The following GATA1 variants were observed in gnomAD, a reference collection of about 807,000 sequenced individuals.
GATA1 encodes the protein erythroid transcription factor.
In GATA1, 2 loss-of-function variants were observed where a neutral mutation model predicts 18.9. That is an observed-to-expected ratio of 0.11 (90% CI 0.04 to 0.33). The LOEUF (loss-of-function observed/expected upper bound fraction) is 0.33. Among genes scored for constraint, GATA1 ranks in the 10% least tolerant of loss-of-function variants. The pLI is 1.00. For missense variants in GATA1, 272 were observed against 344.7 expected (o/e 0.79, Z 1.67); for synonymous variants, 152 against 149.1 (o/e 1.02, Z -0.14).
intron 1 of GATA1, among the ~76,000 whole-genome samples, chrX:48,789,470 A>T (rs1383417217): frequency 9.0e-6 from 1 of 111,318 alleles, no homozygotes; most frequent in Non-Finnish European, 1.9e-5. Flanking sequence ...GATGACAGAC[A>T]CACACAAGGC....
At position 48,794,264 on chromosome X, in the gene GATA1, C is replaced by G. The variant is rs1557020699; in HGVS notation, c.*100C>G. ...TCTCTGGGCCCCAGGCACCCCCTGG[C>G]TTGAACCTTCAAAGCTTTTGTAAAA... On this transcript the variant is annotated 3_prime_UTR_variant, in exon 6 of 6. Coordinates refer to ENST00000376670, the MANE Select transcript of GATA1 (RefSeq NM_002049.4). 6 of 997,353 alleles carry G rather than the reference C, an allele frequency of 6.0e-6. No homozygotes were observed. Among genetic ancestry groups the G allele is most frequent in the Non-Finnish European group, 8.2e-6 (6 of 728,435 alleles). The allele number at this position is 997,353 out of a possible 1,213,427, so 82.2% of individuals were successfully genotyped here. A position where few individuals can be genotyped will look rare whatever the true frequency, so the allele number is the denominator to read the frequency against.
At chrX:48,793,355 C>G in intron 5 of GATA1, 58 bp downstream of exon 5, 1 of 1,131,266 alleles carries the variant, frequency 8.8e-7, no homozygotes. Context: ...TGCCACACTG[C>G]CCCCCACTCT....
intron 1 of GATA1, among the ~76,000 whole-genome samples, chrX:48,790,616 G>A (rs1953382546): frequency 9.4e-6 from 1 of 106,395 alleles, no homozygotes; most frequent in Admixed American, 1.0e-4. Flanking sequence ...AAGGAAGCAG[G>A]AGAGAATGAG....
intron 1 of GATA1, among the ~76,000 whole-genome samples, chrX:48,789,577 A>T (rs1298353195): frequency 2.7e-5 from 3 of 111,375 alleles, no homozygotes; most frequent in Middle Eastern, 4.6e-3. Flanking sequence ...TGGGAACTGA[A>T]AGAGCCTGAA....
Position 48,793,267 on chromosome X carries a change from T to C in GATA1, c.840T>C (p.Asn280=). 2 of 1,210,027 alleles carry C rather than the reference T, an allele frequency of 1.7e-6. No homozygotes were observed. The highest frequency in any genetic ancestry group is 2.2e-6 in the Non-Finnish European group (2 of 894,857). Residue 280 remains asparagine, a synonymous_variant, in exon 5 of 6, where the codon AAT becomes AAC. Coordinates refer to ENST00000376670, the MANE Select transcript of GATA1 (RefSeq NM_002049.4). ...ATGCCAGTGGGGATCCCGTGTGCAATGCCTGCGGCCTCTACTACAAGCTAC... is the reference window on the plus strand; with the variant it reads ...ATGCCAGTGGGGATCCCGTGTGCAACGCCTGCGGCCTCTACTACAAGCTAC... The part of the protein sequence containing the change: ...RRNASGDPVC[N]ACGLYYKLHQ...
chrX:48,792,525 CAAG>C, intron 4 of GATA1, 57 bp downstream of exon 4: 1 of 1,179,477 alleles, frequency 8.5e-7, no homozygotes, highest in Admixed American at 2.2e-5. Flanking sequence ...TCACCCTGTA[CAAG>C]AAGCCACATC....
At position 48,794,226 on chromosome X, in the gene GATA1, TG is replaced by T; in HGVS notation, c.*64del. 8.5e-7 allele frequency: 1 copy of T among 1,176,499 alleles called. No individual in the cohort carries two copies. On this transcript the variant is annotated 3_prime_UTR_variant, in exon 6 of 6. Transcript: ENST00000376670. ...CCTTCTCCTCTTGTAGCCAGAATTC[TG>T]GACAACCCAAGTCTCTGGGCCCCAG...
rs371752832 is a variant in GATA1, at chrX:48,793,786, T to C, written c.871-7T>C. The C allele has an allele frequency of 2.4e-5, 29 of 1,208,629 alleles. No homozygotes were observed. The African/African-American group carries it at 4.7e-4, about 20-fold the overall frequency. The stretch of plus-strand genomic sequence containing the variant: ...GTTGGGGACACCCGCAGCCTCCTTT[T>C]TGGCAGGTGAACCGGCCACTGACCA... On this transcript the variant is annotated splice_polypyrimidine_tract_variant and splice_region_variant and intron_variant, in intron 5 of 5. Transcript: ENST00000376670.
rs1557020571 is a variant in GATA1 at position 48,793,907 on chromosome X, G to A, written c.985G>A (p.Gly329Arg). ...TCTGGGAGGCACAGGAGCAGCCGAA[G>A]GACCAGCTGGTGGCTTTATGGTGGT... Reference protein sequence around the residue: ...SSLGGTGAAEGPAGGFMVVAG... With the variant: ...SSLGGTGAAERPAGGFMVVAG... Residue 329 changes from glycine to arginine, a missense_variant, in exon 6 of 6, where the codon GGA becomes AGA. Gly to Arg is a moderately radical substitution (Grantham distance 125). Around this residue, in one of 3 missense-constraint regions of GATA1, gnomAD observed 83 missense variants for 84.2 expected, o/e 0.99. Coordinates refer to ENST00000376670, the MANE Select transcript of GATA1 (RefSeq NM_002049.4). 1 of 1,206,945 alleles carries A rather than the reference G, an allele frequency of 8.3e-7. No homozygotes were observed. The highest frequency in any genetic ancestry group is 2.2e-5 in the Admixed American group (1 of 45,466).
At chrX:48,792,566 A>G in intron 4 of GATA1, 98 bp downstream of exon 4, 8 of 1,105,401 alleles carry the variant, frequency 7.2e-6, no homozygotes, top group Non-Finnish European at 9.9e-6. Flanking sequence ...CGCTGTTCTC[A>G]TGATTACAGG....
intron 1 of GATA1, among the ~76,000 whole-genome samples, chrX:48,786,866 C>T (rs1268056182): frequency 9.0e-6 from 1 of 110,636 alleles, no homozygotes; most frequent in African/African-American, 3.3e-5. Context: ...TCATCCACTC[C>T]GTCCAAGATA....
At chrX:48,793,725 G>T in intron 5 of GATA1, 68 bp from the exon 6 acceptor site, 1 of 1,186,651 alleles carries the variant, frequency 8.4e-7, no homozygotes, top group Non-Finnish European at 1.1e-6. Context: ...GGTAGAGAGG[G>T]TGTCCCTGGT....
At chrX:48,790,316 C>T (rs1261069401) in intron 1 of GATA1, among the ~76,000 whole-genome samples, 1 of 109,810 alleles carries the variant, frequency 9.1e-6, no homozygotes, top group African/African-American at 3.3e-5. Context: ...CTAGCCAGGC[C>T]TGGTGGCACA....
Position 48,791,122 on chromosome X carries a change from G to A in GATA1, c.13G>A (p.Gly5Ser), listed in dbSNP as rs2147305538. The change falls in exon 2 of 6, where the codon GGC becomes AGC. Residue 5 changes from glycine (G) to serine (S), a missense_variant. By Grantham distance (56) the Gly-to-Ser change is moderately conservative. This residue lies in a region of GATA1 where 147 missense variants were observed against 157.4 expected (regional missense o/e 0.93). Coordinates refer to ENST00000376670, the MANE Select transcript of GATA1 (RefSeq NM_002049.4). The stretch of plus-strand genomic sequence containing the variant: ...CCCCAGAGGCTCCATGGAGTTCCCT[G>A]GCCTGGGGTCCCTGGGGACCTCAGA... Reference protein sequence around the residue: MEFPGLGSLGTSEPL... With the variant: MEFPSLGSLGTSEPL... 1 of 1,207,974 alleles carries A rather than the reference G, an allele frequency of 8.3e-7. No individual in the cohort carries two copies. The highest frequency in any genetic ancestry group is 1.8e-5 in the South Asian group (1 of 56,234).
In GATA1 at chrX:48,792,363, A is replaced by C; in HGVS notation, c.639A>C (p.Pro213=). Residue 213 remains proline, a synonymous_variant, in exon 4 of 6, where the codon CCA becomes CCC. Coordinates refer to ENST00000376670, the MANE Select transcript of GATA1 (RefSeq NM_002049.4). ...ECVNCGATAT[P]LWRRDRTGHY... The stretch of plus-strand genomic sequence containing the variant: ...TGAACTGCGGAGCAACAGCCACTCC[A>C]CTGTGGCGGAGGGACAGGACAGGCC... 1.7e-6 allele frequency: 2 copies of C among 1,211,509 alleles called. No individual in the cohort carries two copies. Among genetic ancestry groups the C allele is most frequent in the Non-Finnish European group, 2.2e-6 (2 of 895,277 alleles).
chrX:48,788,739 G>A (rs2062665067), intron 1 of GATA1, among the ~76,000 whole-genome samples: 1 of 111,551 alleles, frequency 9.0e-6, no homozygotes, highest in South Asian at 3.8e-4. Context: ...ATAGGGCCAG[G>A]GCCAGCATTC....
At chrX:48,791,755 G>A (rs1163896612) in intron 2 of GATA1, 89 bp from the exon 3 acceptor site, 3 of 1,064,846 alleles carry the variant, frequency 2.8e-6, no homozygotes, top group Non-Finnish European at 3.9e-6. Flanking sequence ...CACCATGTTG[G>A]GGGTGCTGGG....
intron 1 of GATA1, among the ~76,000 whole-genome samples, chrX:48,790,691 C>T (rs1292899004): frequency 2.4e-5 from 2 of 85,094 alleles, no homozygotes; most frequent in African/African-American, 4.8e-5. Context: ...AGAAGAGAGA[C>T]GGGAGAAAGA....
Position 48,792,498 on chromosome X carries a change from C to T in GATA1, c.744+30C>T, listed in dbSNP as rs782177448. ...GACCACAGACCTGCTTCACCTTATA[C>T]ACAGGAACCCCTGTCCTCACCCTGT... On this transcript the variant is annotated intron_variant, in intron 4 of 5. Transcript: ENST00000376670. The T allele has an allele frequency of 1.5e-5, 18 of 1,208,232 alleles. 1 individual carries two copies. The South Asian group carries it at 2.8e-4, about 19-fold the overall frequency.
Sources: allele counts gnomAD v4.1 joint callset (sites outside exome capture counted in the v4.1 genomes callset), GRCh38; gene constraint gnomAD v4.1.1; regional missense constraint gnomAD v4.1.1; transcripts MANE v1.5; gene names NCBI Gene and HGNC (gene_info 2026-07-23, HGNC 2026-07-21).